Variants in CAMK1D observed in about 807,000 individuals in gnomAD.
CAMK1D encodes calcium/calmodulin-dependent protein kinase type 1D.
In CAMK1D, 9 loss-of-function variants were observed where a neutral mutation model predicts 47.7. That is an observed-to-expected ratio of 0.19 (90% CI 0.11 to 0.33). The LOEUF (loss-of-function observed/expected upper bound fraction) is 0.33, where lower values mean the gene tolerates loss of function less well. CAMK1D is among the 10% of genes least tolerant of loss of function. CAMK1D has a pLI of 1.00. For missense variants in CAMK1D, 291 were observed against 488.7 expected (o/e 0.60, Z 3.81); for synonymous variants, 184 against 184.9 (o/e 0.99, Z 0.04).
chr10:12,676,916 C>T (rs999112612), intron 3 of CAMK1D, among the ~76,000 whole-genome samples: 1 of 152,142 alleles, frequency 6.6e-6, no homozygotes, highest in African/African-American at 2.4e-5. Flanking sequence ...AATCTTGTTC[C>T]ATTTACTACA....
At chr10:12,536,863 C>T (rs1835988619) in intron 1 of CAMK1D, among the ~76,000 whole-genome samples, 1 of 151,458 alleles carries the variant, frequency 6.6e-6, no homozygotes, top group African/African-American at 2.4e-5. Flanking sequence ...TAAACTGCTA[C>T]AGAGTATTCT....
intron 1 of CAMK1D, among the ~76,000 whole-genome samples, chr10:12,462,290 C>T (rs536863002): frequency 3.3e-5 from 5 of 150,552 alleles, no homozygotes; most frequent in African/African-American, 1.2e-4. Context: ...CTTAGCCTCC[C>T]GAGTAACTGG....
intron 1 of CAMK1D, among the ~76,000 whole-genome samples, chr10:12,485,705 C>T (rs976468718): frequency 1.5e-4 from 23 of 152,244 alleles, no homozygotes; most frequent in East Asian, 1.2e-3. Context: ...AACGTTTTCT[C>T]GAGGAGTCAT....
At chr10:12,457,427 C>T (rs1235598943) in intron 1 of CAMK1D, among the ~76,000 whole-genome samples, 1 of 151,156 alleles carries the variant, frequency 6.6e-6, no homozygotes, top group African/African-American at 2.4e-5. Context: ...GGAAGATTTC[C>T]AGGTACATTA....
chr10:12,584,676 C>T (rs545566000), intron 2 of CAMK1D, among the ~76,000 whole-genome samples: 23 of 151,966 alleles, frequency 1.5e-4, no homozygotes, highest in African/African-American at 4.8e-4. Context: ...AGAAATTAGC[C>T]GGGCGTGGTG....
intron 1 of CAMK1D, among the ~76,000 whole-genome samples, chr10:12,392,557 A>G (rs960260650): frequency 3.3e-5 from 5 of 152,178 alleles, no homozygotes; most frequent in Admixed American, 1.3e-4. Context: ...TTTATTTATT[A>G]TCATGTACCA....
intron 6 of CAMK1D, among the ~76,000 whole-genome samples, chr10:12,802,091 C>T (rs1193547389): frequency 2.0e-5 from 3 of 152,200 alleles, no homozygotes; most frequent in Non-Finnish European, 4.4e-5. Context: ...AATGATTATT[C>T]AGTTATCAGT....
At chr10:12,484,651 G>A (rs553444703) in intron 1 of CAMK1D, among the ~76,000 whole-genome samples, 5 of 152,342 alleles carry the variant, frequency 3.3e-5, no homozygotes, top group Admixed American at 3.3e-4. Context: ...CCACTCAGCA[G>A]TGGAAGCGAT....
intron 2 of CAMK1D, among the ~76,000 whole-genome samples, chr10:12,595,342 G>GAAAAAAAAAAAAAAA (rs535214333): frequency 0.035 from 819 of 23,562 alleles, 293 homozygotes; most frequent in Admixed American, 0.042. Context: ...AACTCCATCT[G>GAAAAAAAAAAAAAAA]AAAAAAAAAA....
intron 1 of CAMK1D, among the ~76,000 whole-genome samples, chr10:12,476,160 C>T (rs1225103065): frequency 6.6e-6 from 1 of 151,998 alleles, no homozygotes; most frequent in South Asian, 2.1e-4. Flanking sequence ...GGCATGGTGG[C>T]ACGTGCCTAT....
At chr10:12,437,687 T>A (rs1435941599) in intron 1 of CAMK1D, among the ~76,000 whole-genome samples, 4 of 152,114 alleles carry the variant, frequency 2.6e-5, no homozygotes, top group Non-Finnish European at 5.9e-5. Context: ...AGTCCATAGT[T>A]TACATTAGGG....
chr10:12,506,160 T>C (rs1384886060), intron 1 of CAMK1D, among the ~76,000 whole-genome samples: 28 of 152,178 alleles, frequency 1.8e-4, no homozygotes, highest in Non-Finnish European at 2.9e-5. Flanking sequence ...GGCTCATGCC[T>C]GTAATCCCAG....
chr10:12,515,612 C>A (rs1316449836), intron 1 of CAMK1D, among the ~76,000 whole-genome samples: 1 of 56,992 alleles, frequency 1.8e-5, no homozygotes, highest in Non-Finnish European at 3.3e-5. Flanking sequence ...TATTCCCCTT[C>A]CTCTTTTTTT....
Position 12,700,579 on chromosome 10 carries a change from G to A in CAMK1D, c.299+33769G>A, listed in dbSNP as rs182323149. On this transcript the variant is annotated intron_variant, in intron 3 of 10. Transcript: ENST00000619168. Reference sequence around the variant, plus strand: ...GCCTTTCTGAGCTTAGGAGCACTAAGTAGCTCTGTAGCACTGTGCCTGCGG... The same window carrying A: ...GCCTTTCTGAGCTTAGGAGCACTAAATAGCTCTGTAGCACTGTGCCTGCGG... 2.7e-3 allele frequency among the ~76,000 whole-genome samples: 411 copies of A among 152,334 alleles called. 1 individual carries two copies. The highest frequency in any genetic ancestry group is 3.4e-3 in the Middle Eastern group (1 of 294).
intron 5 of CAMK1D, among the ~76,000 whole-genome samples, chr10:12,787,815 C>A (rs1837800354): frequency 6.6e-6 from 1 of 152,140 alleles, no homozygotes; most frequent in Admixed American, 6.5e-5. Context: ...CCCTGCCCAA[C>A]ATGGTGAAAC....
intron 2 of CAMK1D, among the ~76,000 whole-genome samples, chr10:12,580,338 C>CTTTTTTTTTT (rs5783277): frequency 1.7e-5 from 2 of 120,676 alleles, no homozygotes; most frequent in African/African-American, 6.3e-5. Context: ...CCCTTCCTTC[C>CTTTTTTTTTT]TTTTTTTTTT....
intron 1 of CAMK1D, among the ~76,000 whole-genome samples, chr10:12,396,159 C>A (rs1429127153): frequency 6.6e-6 from 1 of 152,072 alleles, no homozygotes; most frequent in African/African-American, 2.4e-5. Flanking sequence ...CAGGCGTGAG[C>A]CACTGTGCCT....
chr10:12,613,130 T>C (rs1416726722), intron 2 of CAMK1D, among the ~76,000 whole-genome samples: 2 of 152,186 alleles, frequency 1.3e-5, no homozygotes, highest in Admixed American at 6.5e-5. Context: ...AAGAACTCAA[T>C]TTATAGCATC....
Position 12,349,764 on chromosome 10 carries a change from G to GGCGCCCCCTCCCCAGC in CAMK1D, c.-46_-31dup, listed in dbSNP as rs1339696251. 1.6e-4 allele frequency: 134 copies of GGCGCCCCCTCCCCAGC among 836,468 alleles called. No homozygotes were observed. Among genetic ancestry groups the GGCGCCCCCTCCCCAGC allele is most frequent in the Non-Finnish European group, 1.9e-4 (126 of 666,720 alleles). 51.8% of individuals were successfully genotyped at this position (836,468 alleles called of 1,614,324 possible). The stretch of plus-strand genomic sequence containing the variant: ...GCCTCTGCGCCCGCGCCGCGCCCCC[G>GGCGCCCCCTCCCCAGC]GCGCCCCCTCCCCAGCGCGCCCCCG... On this transcript the variant is annotated 5_prime_UTR_variant, in exon 1 of 11. Transcript: ENST00000619168.
Sources: allele counts gnomAD v4.1 joint callset (sites outside exome capture counted in the v4.1 genomes callset), GRCh38; gene constraint gnomAD v4.1.1; transcripts MANE v1.5; gene names NCBI Gene and HGNC (gene_info 2026-07-23, HGNC 2026-07-21).